The following UACA variants were observed in gnomAD, a reference collection of about 807,000 sequenced individuals.
The protein encoded by UACA is uveal autoantigen with coiled-coil domains and ankyrin repeats, also known as nuclear membrane binding protein.
UACA carries 112 observed loss-of-function variants against 160.5 expected under a neutral mutation model. The ratio of observed to expected loss-of-function variants is 0.70; its 90% CI spans 0.60 to 0.82. The LOEUF is 0.82. UACA is among the 40% of genes least tolerant of loss of function. UACA has a pLI of 0.00. For missense variants in UACA, 1,574 were observed against 1,614.6 expected (o/e 0.97, Z 0.43); for synonymous variants, 557 against 568.4 (o/e 0.98, Z 0.29).
chr15:70,703,201 C>G, intron 1 of UACA: 2 of 1,289,006 alleles, frequency 1.6e-6, no homozygotes, highest in Non-Finnish European at 2.0e-6. Flanking sequence ...GTTTTTTAAC[C>G]ATGTTCTCAT....
At chr15:70,739,771 T>C (rs1333977546) in intron 1 of UACA, among the ~76,000 whole-genome samples, 2 of 152,216 alleles carry the variant, frequency 1.3e-5, no homozygotes, top group African/African-American at 4.8e-5. Flanking sequence ...CTCTAGATTT[T>C]GATATGTGGT....
At chr15:70,658,119 T>TA (rs1246628479) in intron 18 of UACA, among the ~76,000 whole-genome samples, 3 of 152,102 alleles carry the variant, frequency 2.0e-5, no homozygotes, top group African/African-American at 7.2e-5. Flanking sequence ...GTAATTGATT[T>TA]AAAAAACCCA....
At chr15:70,679,701 G>A (rs769238408) in intron 9 of UACA, 25 bp from the exon 10 acceptor site, 23 of 1,484,614 alleles carry the variant, frequency 1.5e-5, no homozygotes, top group South Asian at 4.8e-5. Context: ...AAGAAAACAC[G>A]GGTCAGCAAG....
chr15:70,744,973 T>C (rs1899656445), intron 1 of UACA, among the ~76,000 whole-genome samples: 1 of 152,198 alleles, frequency 6.6e-6, no homozygotes, highest in Non-Finnish European at 1.5e-5. Flanking sequence ...ATGTTTTCCA[T>C]AGCTTACAAA....
At chr15:70,672,343 A>G (rs1010149068) in intron 13 of UACA, among the ~76,000 whole-genome samples, 1 of 152,222 alleles carries the variant, frequency 6.6e-6, no homozygotes, top group Non-Finnish European at 1.5e-5. Flanking sequence ...AAAAGGAAGG[A>G]AGTGGCCACA....
At chr15:70,768,689 A>G in the UACA span, among the ~76,000 whole-genome samples, 1 of 152,316 alleles carries the variant, frequency 6.6e-6, no homozygotes, top group African/African-American at 2.4e-5. Flanking sequence ...ACTCCATAGT[A>G]AACTTTCCTG....
chr15:70,745,556 A>G (rs1595920706), intron 1 of UACA, among the ~76,000 whole-genome samples: 1 of 152,212 alleles, frequency 6.6e-6, no homozygotes, highest in East Asian at 1.9e-4. Context: ...TTACAGATTC[A>G]ATGCTAGTCC....
chr15:70,706,564 C>T (rs1461404998), intron 1 of UACA, among the ~76,000 whole-genome samples: 1 of 145,648 alleles, frequency 6.9e-6, no homozygotes, highest in African/African-American at 2.5e-5. Flanking sequence ...TACAAACATA[C>T]TCATACACAC....
the UACA span, among the ~76,000 whole-genome samples, chr15:70,774,406 C>T: frequency 3.9e-5 from 6 of 151,912 alleles, no homozygotes; most frequent in African/African-American, 9.7e-5. Context: ...ATTAGCCAGG[C>T]GTGGTGGTGG....
chr15:70,691,213 G>C (rs1340841740), intron 4 of UACA, 86 bp downstream of exon 4: 14 of 911,462 alleles, frequency 1.5e-5, no homozygotes, highest in Middle Eastern at 2.5e-4. Flanking sequence ...TATTCTCTTT[G>C]ATCTAAAATT....
intron 1 of UACA, among the ~76,000 whole-genome samples, chr15:70,718,593 C>G (rs1193661576): frequency 1.3e-5 from 2 of 152,022 alleles, no homozygotes; most frequent in Non-Finnish European, 2.9e-5. Flanking sequence ...GAGAAAAAGT[C>G]TGGAGCAGAG....
At chr15:70,702,987 T>C (rs1416726379) in intron 1 of UACA, among the ~76,000 whole-genome samples, 2 of 152,036 alleles carry the variant, frequency 1.3e-5, no homozygotes, top group Non-Finnish European at 2.9e-5. Flanking sequence ...CTGGATTCAC[T>C]GGATGAAAAA....
chr15:70,657,087 A>T lies in UACA; in HGVS notation c.4220T>A (p.Ile1407Asn). The T allele has an allele frequency of 6.2e-7, 1 of 1,614,182 alleles. No individual in the cohort carries two copies. The highest frequency in any genetic ancestry group is 8.5e-7 in the Non-Finnish European group (1 of 1,180,006). Residue 1407 changes from isoleucine to asparagine, a missense_variant, in exon 19 of 19, where the codon ATC (isoleucine) becomes AAC (asparagine). Ile to Asn is a moderately radical substitution (Grantham distance 149). Coordinates refer to ENST00000322954, the MANE Select transcript of UACA (RefSeq NM_018003.4). The part of the protein sequence containing the change: ...DEDVQEALLQ[I>N]IQMRQGLVC ...CACAAGCCCCTGCCGCATTTGTATGATCTGGAGCAGAGCCTCCTGAACATC... is the reference window on the plus strand; with the variant it reads ...CACAAGCCCCTGCCGCATTTGTATGTTCTGGAGCAGAGCCTCCTGAACATC...
At chr15:70,725,319 T>C (rs1182218264) in intron 1 of UACA, among the ~76,000 whole-genome samples, 3 of 152,176 alleles carry the variant, frequency 2.0e-5, no homozygotes, top group Admixed American at 1.3e-4. Flanking sequence ...CCAGGAAAAG[T>C]AAATATTGGT....
chr15:70,699,736 G>A, intron 1 of UACA, 76 bp from the exon 2 acceptor site: 1 of 1,539,114 alleles, frequency 6.5e-7, no homozygotes, highest in Non-Finnish European at 8.8e-7. Flanking sequence ...AAAAAAGAGA[G>A]AAAGGAAAGC....
chr15:70,685,407 G>A (rs1025210905), intron 7 of UACA, among the ~76,000 whole-genome samples: 1 of 152,116 alleles, frequency 6.6e-6, no homozygotes. Flanking sequence ...TAAGGAAACT[G>A]ACTCTTGCCT....
chr15:70,713,830 T>C (rs1158745673), intron 1 of UACA, among the ~76,000 whole-genome samples: 1 of 152,158 alleles, frequency 6.6e-6, no homozygotes, highest in Non-Finnish European at 1.5e-5. Flanking sequence ...AGATATCTTA[T>C]ATACCTCACC....
In UACA at chr15:70,667,533, T is replaced by C; in HGVS notation, c.3151A>G (p.Ile1051Val). 2 of 1,613,080 alleles carry C rather than the reference T, an allele frequency of 1.2e-6. No individual in the cohort carries two copies. Among genetic ancestry groups the C allele is most frequent in the Non-Finnish European group, 1.7e-6 (2 of 1,179,996 alleles). ...CTTTCCATTTCATGAGACTTCTCAA[T>C]GAGAACTGTCTTATCTCTCAAATCT... ...QKDLRDKTVL[I>V]EKSHEMERAL... Residue 1051 changes from isoleucine (I) to valine (V), a missense_variant, in exon 16 of 19, where the codon ATT becomes GTT. Coordinates refer to ENST00000322954, the MANE Select transcript of UACA (RefSeq NM_018003.4).
At chr15:70,666,065 A>G (rs1169662196) in intron 16 of UACA, among the ~76,000 whole-genome samples, 2 of 136,244 alleles carry the variant, frequency 1.5e-5, no homozygotes, top group Non-Finnish European at 1.7e-5. Context: ...GATCAACTAC[A>G]TAATTCTAAC....
Sources: allele counts gnomAD v4.1 joint callset (sites outside exome capture counted in the v4.1 genomes callset), GRCh38; gene constraint gnomAD v4.1.1; transcripts MANE v1.5; gene names NCBI Gene and HGNC (gene_info 2026-07-23, HGNC 2026-07-21).